The following NFATC3 variants were observed in gnomAD, a reference collection of about 807,000 sequenced individuals.
NFATC3 encodes nuclear factor of activated T-cells, cytoplasmic 3.
Under a neutral mutation model 98.6 loss-of-function variants are expected in NFATC3, and 46 were observed. The ratio of observed to expected loss-of-function variants is 0.47; its 90% CI spans 0.37 to 0.60. The LOEUF (loss-of-function observed/expected upper bound fraction) is 0.60. Ranked by LOEUF, NFATC3 falls within the 20% of genes least tolerant of loss-of-function variation. NFATC3 has a pLI of 0.00. For synonymous variants in NFATC3, 512 were observed against 472.2 expected, an observed-to-expected ratio of 1.08 and a Z score of -1.09; for missense variants, 1,256 against 1,295.5, an observed-to-expected ratio of 0.97 and a Z score of 0.47.
rs1206246010 is a variant in NFATC3, at chr16:68,176,214, G to A, written c.1915+1700G>A. On this transcript the variant is annotated intron_variant, in intron 6 of 9. Coordinates refer to ENST00000346183, the MANE Select transcript of NFATC3 (RefSeq NM_173165.3). ...GCTGGTCTCTAACTCCTGACCTCACGATCCACCCGTCTCGGCCTCCCAAAG... is the reference window on the plus strand; with the variant it reads ...GCTGGTCTCTAACTCCTGACCTCACAATCCACCCGTCTCGGCCTCCCAAAG... 3.9e-5 allele frequency among the ~76,000 whole-genome samples: 6 copies of A among 152,046 alleles called. No homozygotes were observed. In the South Asian group the frequency reaches 8.3e-4, roughly 21 times the overall value.
intron 3 of NFATC3, among the ~76,000 whole-genome samples, chr16:68,153,751 C>A (rs572870416): frequency 1.5e-3 from 228 of 151,840 alleles, no homozygotes; most frequent in Non-Finnish European, 2.9e-3. Flanking sequence ...GTAGCTGGGA[C>A]TACAGGCACC....
At chr16:68,157,498 C>G (rs2038680752) in intron 3 of NFATC3, among the ~76,000 whole-genome samples, 1 of 152,144 alleles carries the variant, frequency 6.6e-6, no homozygotes, top group Admixed American at 6.5e-5. Context: ...AGAGGACCTT[C>G]CTATATACCC....
intron 1 of NFATC3, among the ~76,000 whole-genome samples, chr16:68,105,795 C>T (rs963926494): frequency 2.6e-5 from 4 of 152,234 alleles, no homozygotes; most frequent in East Asian, 1.9e-4. Flanking sequence ...TCTTCTGAGT[C>T]AGTTTTGGTA....
Position 68,085,587 on chromosome 16 carries a change from G to T in NFATC3, c.-95G>T. On this transcript the variant is annotated 5_prime_UTR_variant, in exon 1 of 10. Transcript: ENST00000346183. ...GAGTCGCGACCTCTTGGCCCGCGCG[G>T]CCCGGCATGAAGCGGCGTTGAGGAG... 2 of 1,129,572 alleles carry T rather than the reference G, an allele frequency of 1.8e-6. No homozygotes were observed. The highest frequency in any genetic ancestry group is 2.4e-6 in the Non-Finnish European group (2 of 835,052). 70.0% of individuals were successfully genotyped at this position (1,129,572 alleles called of 1,614,324 possible). A position where few individuals can be genotyped will look rare whatever the true frequency, so the allele number is the denominator to read the frequency against.
chr16:68,196,969 G>A (rs1304092052), intron 9 of NFATC3, among the ~76,000 whole-genome samples: 1 of 152,132 alleles, frequency 6.6e-6, no homozygotes, highest in African/African-American at 2.4e-5. Flanking sequence ...GGCTGAGGTT[G>A]CGGTGAGCCG....
chr16:68,097,279 T>A (rs146727415), intron 1 of NFATC3, among the ~76,000 whole-genome samples: 9 of 152,368 alleles, frequency 5.9e-5, no homozygotes, highest in Admixed American at 5.9e-4. Context: ...CTTGCCTTCA[T>A]GAAGTGCACA....
chr16:68,161,407 C>T (rs974091190), intron 4 of NFATC3, among the ~76,000 whole-genome samples: 3 of 152,116 alleles, frequency 2.0e-5, no homozygotes, highest in African/African-American at 7.2e-5. Flanking sequence ...CTTAACTTGG[C>T]TTGAGGGACA....
At chr16:68,109,453 A>T (rs2035831309) in intron 1 of NFATC3, among the ~76,000 whole-genome samples, 1 of 152,054 alleles carries the variant, frequency 6.6e-6, no homozygotes, top group African/African-American at 2.4e-5. Flanking sequence ...AAGCTTTTTG[A>T]TGTGCTGCTG....
At chr16:68,139,830 C>T (rs190125918) in intron 3 of NFATC3, among the ~76,000 whole-genome samples, 2 of 152,204 alleles carry the variant, frequency 1.3e-5, no homozygotes, top group African/African-American at 4.8e-5. Context: ...CTTTATTGTC[C>T]ATTGAGACTT....
intron 1 of NFATC3, among the ~76,000 whole-genome samples, chr16:68,116,356 C>T (rs1456299874): frequency 6.6e-6 from 1 of 152,068 alleles, no homozygotes. Flanking sequence ...TTTTGCCAAC[C>T]TCTGCTTCAT....
chr16:68,089,622 T>C (rs1280056715), intron 1 of NFATC3: 2 of 152,170 alleles, frequency 1.3e-5, no homozygotes, highest in African/African-American at 4.8e-5. Flanking sequence ...TTTAACATTC[T>C]TTTACTTAAT....
intron 6 of NFATC3, 26 bp downstream of exon 6, chr16:68,174,540 T>G: frequency 6.6e-7 from 1 of 1,522,780 alleles, no homozygotes; most frequent in South Asian, 1.4e-5. Flanking sequence ...GTTGATTGAC[T>G]TCAAACTAAG....
At chr16:68,121,242 C>CTTTTTTTTT (rs753615194) in intron 1 of NFATC3, among the ~76,000 whole-genome samples, 28 of 102,342 alleles carry the variant, frequency 2.7e-4, no homozygotes, top group East Asian at 6.0e-4. Flanking sequence ...CTTTTCTTTT[C>CTTTTTTTTT]TTTTTTTTTT....
rs1443709537 is a variant in NFATC3 at position 68,191,436 on chromosome 16, G to A, written c.2767G>A (p.Ala923Thr). ...ITYGPSHSGS[A>T]TTASPAASHP... The stretch of plus-strand genomic sequence containing the variant: ...ATATGGTCCTTCACATTCAGGGTCT[G>A]CTACAACAGCTTCCCCAGCAGCTTC... Residue 923 changes from alanine (A) to threonine (T), a missense_variant, in exon 9 of 10, where the codon GCT (alanine) becomes ACT (threonine). Transcript: ENST00000346183. 1.2e-6 allele frequency: 2 copies of A among 1,613,938 alleles called. No individual in the cohort carries two copies. Among genetic ancestry groups the A allele is most frequent in the Non-Finnish European group, 1.7e-6 (2 of 1,180,028 alleles).
chr16:68,199,287 G>A (rs2040806971), intron 9 of NFATC3, among the ~76,000 whole-genome samples: 1 of 143,346 alleles, frequency 7.0e-6, no homozygotes, highest in Non-Finnish European at 1.5e-5. Context: ...GCAGTGGCGC[G>A]ATCTTGGCTC....
At position 68,152,533 on chromosome 16, in the gene NFATC3, A is replaced by G. The variant is rs574796771; in HGVS notation, c.1402-5336A>G. On this transcript the variant is annotated intron_variant, in intron 3 of 9. Coordinates refer to ENST00000346183, the MANE Select transcript of NFATC3 (RefSeq NM_173165.3). Reference sequence around the variant, plus strand: ...ACCTGGTGTTTTGTTTTTAAAGAGAAAGAGCCTTGCTCTGTCACCCAGGCT... The same window carrying G: ...ACCTGGTGTTTTGTTTTTAAAGAGAGAGAGCCTTGCTCTGTCACCCAGGCT... Among the ~76,000 whole-genome samples, 3 of 152,210 alleles carry G rather than the reference A, an allele frequency of 2.0e-5. No homozygotes were observed. In the South Asian group the frequency reaches 6.2e-4, roughly 32 times the overall value.
Position 68,204,716 on chromosome 16 carries a change from A to G in NFATC3, c.3106+12941A>G, listed in dbSNP as rs528305049. 3.9e-5 allele frequency among the ~76,000 whole-genome samples: 6 copies of G among 152,352 alleles called. No individual in the cohort carries two copies. The South Asian group carries it at 1.2e-3, about 32-fold the overall frequency. On this transcript the variant is annotated intron_variant, in intron 9 of 9. Transcript: ENST00000346183. ...AACTTTCTAATGTGCTGCCATGTGTAAGATAGCAAAACCTGTCTTAAAGAT... is the reference window on the plus strand; with the variant it reads ...AACTTTCTAATGTGCTGCCATGTGTGAGATAGCAAAACCTGTCTTAAAGAT...
intron 1 of NFATC3, among the ~76,000 whole-genome samples, chr16:68,091,357 T>C (rs1197036036): frequency 1.3e-5 from 2 of 152,174 alleles, no homozygotes; most frequent in Non-Finnish European, 2.9e-5. Flanking sequence ...ACCAGTAAAC[T>C]TTGCCTAAAG....
intron 3 of NFATC3, among the ~76,000 whole-genome samples, chr16:68,143,976 C>A (rs1040191848): frequency 6.6e-6 from 1 of 151,960 alleles, no homozygotes; most frequent in Non-Finnish European, 1.5e-5. Context: ...AAGCACCATA[C>A]CTAAAAGAAA....
Sources: gnomAD v4.1 joint callset for allele counts (sites outside exome capture counted in the v4.1 genomes callset) on GRCh38, gnomAD v4.1.1 for gene constraint, MANE v1.5 for transcripts, NCBI Gene and HGNC (gene_info 2026-07-23, HGNC 2026-07-21) for gene names.